Variants in CNTNAP5 observed in about 807,000 individuals in gnomAD.
The protein encoded by CNTNAP5 is contactin-associated protein-like 5.
Under a neutral mutation model 150.2 loss-of-function variants are expected in CNTNAP5, and 72 were observed. The ratio of observed to expected loss-of-function variants is 0.48; its 90% CI spans 0.40 to 0.58. The LOEUF (loss-of-function observed/expected upper bound fraction) is 0.58, where lower values mean the gene tolerates loss of function less well. Among genes scored for constraint, CNTNAP5 ranks in the 20% least tolerant of loss-of-function variants. The pLI, the probability that CNTNAP5 is intolerant of heterozygous loss-of-function variation, is 0.00. For missense variants in CNTNAP5, 1,636 were observed against 1,626.2 expected, an observed-to-expected ratio of 1.01 and a Z score of -0.10; for synonymous variants, 672 against 619.8, an observed-to-expected ratio of 1.08 and a Z score of -1.25.
At chr2:124,822,602 TA>T (rs1314897126) in intron 19 of CNTNAP5, among the ~76,000 whole-genome samples, 1 of 152,020 alleles carries the variant, frequency 6.6e-6, no homozygotes, top group African/African-American at 2.4e-5. Context: ...TTAAATAAAG[TA>T]AAAAAACAAG....
chr2:124,713,329 T>C (rs796159689), intron 13 of CNTNAP5, among the ~76,000 whole-genome samples: 1,172 of 79,076 alleles, frequency 0.015, 74 homozygotes, highest in East Asian at 0.02. Context: ...CTTTCTTTCT[T>C]TCTTTCTTTC....
rs76162745 is a variant in CNTNAP5 at position 124,274,331 on chromosome 2, A to G, written c.381+31938A>G. Among the ~76,000 whole-genome samples the G allele has an allele frequency of 4.3e-3, 659 of 152,286 alleles. 8 individuals carry two copies. Among genetic ancestry groups the G allele is most frequent in the East Asian group, 0.031 (161 of 5,176 alleles). ...TTATAAGGTACACTTTAATTTTCTA[A>G]CACTTGTGGAGGCTTGAAAGTGACC... On this transcript the variant is annotated intron_variant, in intron 3 of 23. Transcript: ENST00000682447.
At chr2:124,266,459 CA>C (rs1187197976) in intron 3 of CNTNAP5, among the ~76,000 whole-genome samples, 2 of 151,592 alleles carry the variant, frequency 1.3e-5, no homozygotes, top group Admixed American at 1.3e-4. Flanking sequence ...TTTCGCCTTC[CA>C]AAAAAAAGCT....
In CNTNAP5 at chr2:124,254,382, T is replaced by C. The variant is rs114570565; in HGVS notation, c.381+11989T>C. Among the ~76,000 whole-genome samples the C allele has an allele frequency of 4.3e-3, 662 of 152,308 alleles. 4 individuals are homozygous for C. Among genetic ancestry groups the C allele is most frequent in the African/African-American group, 0.015 (638 of 41,576 alleles). On this transcript the variant is annotated intron_variant, in intron 3 of 23. Coordinates refer to ENST00000682447, the MANE Select transcript of CNTNAP5 (RefSeq NM_001367498.1). ...AGAGGCCATGGCATGCCAGTGTCTG[T>C]TGGCTCTGCTGGTAAGGGGGGCAGT...
intron 1 of CNTNAP5, among the ~76,000 whole-genome samples, chr2:124,044,048 T>C (rs1381174339): frequency 6.6e-6 from 1 of 152,232 alleles, no homozygotes; most frequent in East Asian, 1.9e-4. Flanking sequence ...ATTACATCTT[T>C]AAGCCCTGTA....
chr2:124,674,488 CTCTA>C (rs1192477962), intron 13 of CNTNAP5, among the ~76,000 whole-genome samples: 5 of 117,974 alleles, frequency 4.2e-5, no homozygotes, highest in Non-Finnish European at 1.8e-5. Context: ...CTCTCTCCCT[CTCTA>C]CTTCCTTTCT....
chr2:124,435,468 A>G (rs886336294), intron 5 of CNTNAP5, among the ~76,000 whole-genome samples: 1 of 152,156 alleles, frequency 6.6e-6, no homozygotes, highest in African/African-American at 2.4e-5. Context: ...GATGCAAACA[A>G]AAAAACACTC....
At chr2:124,731,774 G>C (rs1038811589) in intron 13 of CNTNAP5, among the ~76,000 whole-genome samples, 2 of 150,926 alleles carry the variant, frequency 1.3e-5, no homozygotes, top group Non-Finnish European at 2.9e-5. Context: ...GTGTTTCTGG[G>C]TGTATGAGTG....
chr2:124,653,911 ACC>A (rs70996088), intron 13 of CNTNAP5, among the ~76,000 whole-genome samples: 1,624 of 57,478 alleles, frequency 0.028, 112 homozygotes, highest in African/African-American at 0.09. Context: ...ACTGCCCCCA[ACC>A]CCCCCCCCCC....
chr2:124,920,579 C>A lies in CNTNAP5; in HGVS notation c.*6291C>A, dbSNP rs372081500. 2.6e-4 allele frequency among the ~76,000 whole-genome samples: 39 copies of A among 152,258 alleles called. No individual in the cohort carries two copies. The highest frequency in any genetic ancestry group is 9.1e-4 in the African/African-American group (38 of 41,566). On this transcript the variant is annotated 3_prime_UTR_variant, in exon 24 of 24. Transcript: ENST00000682447. ...TGAGGACAAAGACCAAGAATTTTCT[C>A]TTTCTGAATCTGGCAGTTGACAGGC...
At chr2:124,205,030 AAGTC>A (rs1685827885) in intron 1 of CNTNAP5, among the ~76,000 whole-genome samples, 1 of 152,182 alleles carries the variant, frequency 6.6e-6, no homozygotes. Flanking sequence ...ATTTTCAAGA[AAGTC>A]AAAGCCATTA....
At chr2:124,207,153 A>C (rs774090989) in intron 1 of CNTNAP5, among the ~76,000 whole-genome samples, 3 of 152,180 alleles carry the variant, frequency 2.0e-5, no homozygotes, top group Non-Finnish European at 4.4e-5. Flanking sequence ...TCTGTGACCC[A>C]GTTCATCAAA....
At chr2:124,219,044 A>C (rs1334632217) in intron 1 of CNTNAP5, among the ~76,000 whole-genome samples, 3 of 152,144 alleles carry the variant, frequency 2.0e-5, no homozygotes, top group African/African-American at 7.2e-5. Flanking sequence ...TACTTCTACT[A>C]TTCCATGATC....
At chr2:124,655,775 C>G (rs1678430564) in intron 13 of CNTNAP5, among the ~76,000 whole-genome samples, 1 of 151,602 alleles carries the variant, frequency 6.6e-6, no homozygotes, top group Non-Finnish European at 1.5e-5. Context: ...GTGGGGCACA[C>G]TTGTAGTCCT....
At chr2:124,674,100 C>G (rs1678878714) in intron 13 of CNTNAP5, among the ~76,000 whole-genome samples, 1 of 151,990 alleles carries the variant, frequency 6.6e-6, no homozygotes, top group South Asian at 2.1e-4. Flanking sequence ...TGATTTTAGT[C>G]TTCTCTCTTT....
chr2:124,665,619 G>C (rs921285488), intron 13 of CNTNAP5, among the ~76,000 whole-genome samples: 1 of 152,192 alleles, frequency 6.6e-6, no homozygotes, highest in African/African-American at 2.4e-5. Flanking sequence ...AGGCGTGGTG[G>C]CTTATGCCTG....
chr2:124,084,119 T>C (rs1388573922), intron 1 of CNTNAP5, among the ~76,000 whole-genome samples: 1 of 152,172 alleles, frequency 6.6e-6, no homozygotes, highest in African/African-American at 2.4e-5. Context: ...ATTTAATTAC[T>C]AACTTTCTGA....
intron 3 of CNTNAP5, among the ~76,000 whole-genome samples, chr2:124,391,751 C>T (rs753018410): frequency 1.1e-4 from 16 of 152,072 alleles, no homozygotes; most frequent in Non-Finnish European, 1.9e-4. Context: ...GTCAGGAGAT[C>T]GAGACCATCC....
At position 124,499,201 on chromosome 2, in the gene CNTNAP5, A is replaced by C. The variant is rs187932626; in HGVS notation, c.1063-5091A>C. ...CAAGAATCTAGTTCTGCCTAAATTTAACACCCTCACTTCCTTCAGAATTCA... is the reference window on the plus strand; with the variant it reads ...CAAGAATCTAGTTCTGCCTAAATTTCACACCCTCACTTCCTTCAGAATTCA... On this transcript the variant is annotated intron_variant, in intron 7 of 23. Coordinates refer to ENST00000682447, the MANE Select transcript of CNTNAP5 (RefSeq NM_001367498.1). Among the ~76,000 whole-genome samples, 391 of 152,310 alleles carry C rather than the reference A, an allele frequency of 2.6e-3. 3 individuals are homozygous for C. The highest frequency in any genetic ancestry group is 1.0e-4 in the Non-Finnish European group (7 of 68,030).
Sources: allele counts gnomAD v4.1 joint callset (sites outside exome capture counted in the v4.1 genomes callset), GRCh38; gene constraint gnomAD v4.1.1; transcripts MANE v1.5; gene names NCBI Gene and HGNC (gene_info 2026-07-23, HGNC 2026-07-21).